The following NF1 variants were observed in gnomAD, a reference collection of about 807,000 sequenced individuals.
NF1 encodes the protein neurofibromin 1, also known as neurofibromin.
A neutral mutation model predicts 325.7 loss-of-function variants in NF1; 122 were observed. The ratio of observed to expected loss-of-function variants is 0.37; its 90% CI spans 0.32 to 0.44. NF1 has a LOEUF of 0.44. NF1 is among the 20% of genes least tolerant of loss of function. The pLI is 1.00. For synonymous variants in NF1, 1,091 were observed against 1,186.0 expected (o/e 0.92, Z 1.65); for missense variants, 2,140 against 3,415.4 (o/e 0.63, Z 9.31).
chr17:31,201,087 A>C lies in NF1; in HGVS notation c.1113A>C (p.Ala371=), dbSNP rs786201652. The C allele has an allele frequency of 6.2e-7, 1 of 1,614,106 alleles. No homozygotes were observed. The highest frequency in any genetic ancestry group is 8.5e-7 in the Non-Finnish European group (1 of 1,180,004). The change falls in exon 10 of 58, where the codon GCA becomes GCC. Residue 371 remains alanine (A), a synonymous_variant. Coordinates refer to ENST00000358273, the MANE Select transcript of NF1 (RefSeq NM_001042492.3). ...CATTCTCAAGAGGCAGTCAGCCTGC[A>C]GATGTGGATCTAATGATTGACTGCC... is the stretch of plus-strand genomic sequence containing the variant. The part of the protein sequence containing the change: ...SKPFSRGSQP[A]DVDLMIDCLV...
chr17:31,327,182 G>A (rs1459065307), intron 37 of NF1, among the ~76,000 whole-genome samples: 2 of 152,070 alleles, frequency 1.3e-5, no homozygotes, highest in African/African-American at 2.4e-5. Context: ...GGCTGATCAC[G>A]AACTCCTGAC....
intron 36 of NF1, among the ~76,000 whole-genome samples, chr17:31,286,261 A>G (rs1173807098): frequency 2.0e-5 from 3 of 152,076 alleles, no homozygotes; most frequent in Admixed American, 2.0e-4. Context: ...CACCCGGCTA[A>G]TTTTTGTATT....
intron 57 of NF1, chr17:31,367,331 A>C: frequency 8.7e-7 from 1 of 1,156,000 alleles, no homozygotes; most frequent in Non-Finnish European, 1.2e-6. Flanking sequence ...CCCCACACTC[A>C]TCCTGGGCAC....
Position 31,358,741 on chromosome 17 carries a change from A to C in NF1, c.8113+119A>C, listed in dbSNP as rs2070333082. ...TAGACTTGTTCATACTTTTATTTCC[A>C]TATTCCATTTTTTTACTCTCTCAAC... On this transcript the variant is annotated intron_variant, in intron 55 of 57. Coordinates refer to ENST00000358273, the MANE Select transcript of NF1 (RefSeq NM_001042492.3). The C allele has an allele frequency of 4.3e-6, 6 of 1,395,492 alleles. 1 individual carries two copies. In the South Asian group the frequency reaches 7.2e-5, roughly 17 times the overall value. 86.4% of individuals were successfully genotyped at this position (1,395,492 alleles called of 1,614,324 possible).
intron 13 of NF1, among the ~76,000 whole-genome samples, chr17:31,216,342 A>G (rs1306662512): frequency 6.6e-6 from 1 of 152,198 alleles, no homozygotes; most frequent in Admixed American, 6.5e-5. Context: ...CTTTGCTGCC[A>G]TCTAGTGGTT....
In NF1 at chr17:31,340,632, T is replaced by A. The variant is rs2069794814; in HGVS notation, c.7049T>A (p.Ile2350Lys). The A allele has an allele frequency of 1.2e-6, 2 of 1,614,134 alleles. No homozygotes were observed. The highest frequency in any genetic ancestry group is 1.7e-6 in the Non-Finnish European group (2 of 1,180,004). ...CTGCATACTTTAGATAGTCTCCGTA[T>A]ATTCAATGACAAGGTAAGCAAACTT... is the stretch of plus-strand genomic sequence containing the variant. ...QNLHTLDSLR[I>K]FNDKSPEEVF... is the part of the protein sequence containing the mutation. Residue 2350 changes from isoleucine to lysine, a missense_variant, in exon 47 of 58, where the codon ATA becomes AAA. This residue lies in a region of NF1 where 522 missense variants were observed against 749.0 expected (regional missense o/e 0.70). Coordinates refer to ENST00000358273, the MANE Select transcript of NF1 (RefSeq NM_001042492.3).
At chr17:31,236,815 G>A (rs1445979883) in intron 29 of NF1, among the ~76,000 whole-genome samples, 2 of 151,872 alleles carry the variant, frequency 1.3e-5, no homozygotes, top group African/African-American at 2.4e-5. Context: ...TACTACCCAC[G>A]AACAAAGAAA....
At chr17:31,244,179 T>A (rs933235090) in intron 29 of NF1, among the ~76,000 whole-genome samples, 3 of 152,156 alleles carry the variant, frequency 2.0e-5, no homozygotes, top group African/African-American at 7.2e-5. Flanking sequence ...GTGGCTAAGC[T>A]GGTAGTTACA....
At chr17:31,112,302 G>C (rs1442618791) in intron 1 of NF1, among the ~76,000 whole-genome samples, 1 of 152,076 alleles carries the variant, frequency 6.6e-6, no homozygotes, top group East Asian at 1.9e-4. Context: ...GAAATGGGTG[G>C]ATCATATGGT....
chr17:31,165,882 G>A (rs983415666), intron 4 of NF1, among the ~76,000 whole-genome samples: 1 of 152,040 alleles, frequency 6.6e-6, no homozygotes, highest in Non-Finnish European at 1.5e-5. Context: ...TGTAGAGACG[G>A]GGTCTTGCCA....
intron 29 of NF1, among the ~76,000 whole-genome samples, chr17:31,243,268 A>G (rs1033912575): frequency 2.6e-5 from 4 of 151,094 alleles, no homozygotes; most frequent in East Asian, 3.9e-4. Context: ...GGACACCAGC[A>G]CTGGGAGTGC....
chr17:31,142,882 T>A (rs971412716), intron 1 of NF1, among the ~76,000 whole-genome samples: 2 of 151,038 alleles, frequency 1.3e-5, no homozygotes, highest in African/African-American at 4.9e-5. Context: ...AAAAAAAAAA[T>A]TATTAATGAG....
At chr17:31,322,128 C>CACACACACAA (rs1491259465) in intron 36 of NF1, among the ~76,000 whole-genome samples, 1 of 144,526 alleles carries the variant, frequency 6.9e-6, no homozygotes, top group African/African-American at 2.5e-5. Context: ...CACACACACA[C>CACACACACAA]AACTGTCAAA....
chr17:31,337,313 T>C (rs1443205934), intron 42 of NF1, 55 bp from the exon 43 acceptor site: 2 of 1,383,586 alleles, frequency 1.4e-6, no homozygotes, highest in Non-Finnish European at 2.0e-6. Flanking sequence ...CATGGAACTT[T>C]AGAAATTAAA....
In NF1 at chr17:31,258,522, T is replaced by C; in HGVS notation, c.4332+20T>C. 2 of 1,611,598 alleles carry C rather than the reference T, an allele frequency of 1.2e-6. No homozygotes were observed. Among genetic ancestry groups the C allele is most frequent in the African/African-American group, 2.7e-5 (2 of 74,998 alleles). On this transcript the variant is annotated intron_variant, in intron 32 of 57. Transcript: ENST00000358273. ...TCAAAGGTGAATTATTTTGATAATCTAGCTATCTTAAATTCCCCTTCCAAC... is the reference window on the plus strand; with the variant it reads ...TCAAAGGTGAATTATTTTGATAATCCAGCTATCTTAAATTCCCCTTCCAAC...
intron 57 of NF1, among the ~76,000 whole-genome samples, chr17:31,361,787 G>A (rs1022530324): frequency 3.9e-5 from 6 of 152,076 alleles, no homozygotes; most frequent in Non-Finnish European, 7.4e-5. Flanking sequence ...AATTTTGAAG[G>A]TTCTGAAGAA....
At chr17:31,278,476 TGCC>T (rs2068053178) in intron 36 of NF1, among the ~76,000 whole-genome samples, 1 of 137,562 alleles carries the variant, frequency 7.3e-6, no homozygotes, top group Non-Finnish European at 1.6e-5. Flanking sequence ...GCACAGACAT[TGCC>T]TTGGTAATTG....
intron 1 of NF1, among the ~76,000 whole-genome samples, chr17:31,109,217 A>T (rs903150223): frequency 6.6e-6 from 1 of 152,034 alleles, no homozygotes; most frequent in South Asian, 2.1e-4. Flanking sequence ...CTGCAAGTTC[A>T]CTGACCACAT....
intron 35 of NF1, among the ~76,000 whole-genome samples, chr17:31,263,218 A>T (rs1597751380): frequency 6.6e-6 from 1 of 152,276 alleles, no homozygotes; most frequent in East Asian, 1.9e-4. Context: ...AGGCAGGAGG[A>T]TTGCTTGAGC....
Sources: allele counts gnomAD v4.1 joint callset (sites outside exome capture counted in the v4.1 genomes callset), GRCh38; gene constraint gnomAD v4.1.1; regional missense constraint gnomAD v4.1.1; transcripts MANE v1.5; gene names NCBI Gene and HGNC (gene_info 2026-07-23, HGNC 2026-07-21).